MAST2: variants seen among roughly 807,000 people sequenced by gnomAD.
MAST2 encodes the protein microtubule-associated serine/threonine-protein kinase 2.
MAST2 carries 70 observed loss-of-function variants against 147.4 expected under a neutral mutation model. The ratio of observed to expected loss-of-function variants is 0.47; its 90% CI spans 0.39 to 0.58. The LOEUF is 0.58. Among genes scored for constraint, MAST2 ranks in the 20% least tolerant of loss-of-function variants. The pLI is 0.00. For synonymous variants in MAST2, 869 were observed against 896.8 expected (o/e 0.97, Z 0.55); for missense variants, 2,080 against 2,302.3 (o/e 0.90, Z 1.98).
intron 3 of MAST2, among the ~76,000 whole-genome samples, chr1:45,871,469 G>A (rs1646391301): frequency 1.3e-5 from 2 of 152,120 alleles, no homozygotes; most frequent in African/African-American, 4.8e-5. Flanking sequence ...GTTTACCTGA[G>A]CTAGCATGAT....
In MAST2 at chr1:45,903,126, C is replaced by CTTTTTTTT. The variant is rs34621764; in HGVS notation, c.500+20745_500+20752dup. Among the ~76,000 whole-genome samples the CTTTTTTTT allele has an allele frequency of 6.9e-4, 55 of 79,322 alleles. 1 individual carries two copies. The highest frequency in any genetic ancestry group is 2.2e-3 in the South Asian group (5 of 2,310). 52.0% of individuals were successfully genotyped at this position (79,322 alleles called of 152,430 possible). Reference sequence around the variant, plus strand: ...AGCATTTAGCACTATAAATTTTTGTCTTTTTTTTTTTTTTTTTTTTTGGAG... The same window carrying CTTTTTTTT: ...AGCATTTAGCACTATAAATTTTTGTCTTTTTTTTTTTTTTTTTTTTTTTTTTTTTGGAG... On this transcript the variant is annotated intron_variant, in intron 4 of 28. Transcript: ENST00000361297.
rs767185492 is a variant in MAST2, at chr1:46,025,790, G to A, written c.1894G>A (p.Val632Met). 36 of 1,614,158 alleles carry A rather than the reference G, an allele frequency of 2.2e-5. 1 individual carries two copies. The Middle Eastern group carries it at 3.1e-3, about 141-fold the overall frequency. ...GGAGTACTTACACAACTATGGCATC[G>A]TGCACCGTGACCTCAAGCCTGACAA... ...ALEYLHNYGI[V>M]HRDLKPDNLL... Residue 632 changes from valine (V) to methionine (M), a missense_variant, in exon 16 of 29, where the codon GTG becomes ATG. Physicochemically the swap from Val to Met is conservative, Grantham distance 21. Transcript: ENST00000361297.
intron 4 of MAST2, among the ~76,000 whole-genome samples, chr1:45,927,212 A>C (rs1317165295): frequency 6.6e-6 from 1 of 152,228 alleles, no homozygotes; most frequent in African/African-American, 2.4e-5. Context: ...GGGCGAGATC[A>C]CAGGACCACA....
chr1:45,913,185 C>G (rs916647518), intron 4 of MAST2, among the ~76,000 whole-genome samples: 5 of 152,166 alleles, frequency 3.3e-5, no homozygotes, highest in African/African-American at 9.7e-5. Context: ...TGGTCAGATT[C>G]GGCATTTGAA....
At chr1:45,972,242 TACA>T (rs1349702675) in intron 5 of MAST2, among the ~76,000 whole-genome samples, 1 of 152,214 alleles carries the variant, frequency 6.6e-6, no homozygotes, top group African/African-American at 2.4e-5. Flanking sequence ...AAAGGACAGA[TACA>T]ACAAGATCAG....
At chr1:45,860,355 G>A (rs1645937656) in intron 3 of MAST2, among the ~76,000 whole-genome samples, 1 of 145,310 alleles carries the variant, frequency 6.9e-6, no homozygotes, top group Admixed American at 7.0e-5. Flanking sequence ...CTGCACTCCA[G>A]CCTGGGTGAC....
At chr1:45,938,333 T>G (rs1656605644) in intron 4 of MAST2, among the ~76,000 whole-genome samples, 1 of 152,150 alleles carries the variant, frequency 6.6e-6, no homozygotes, top group Non-Finnish European at 1.5e-5. Flanking sequence ...TTACTTTTCT[T>G]TTTTCTTGGA....
intron 2 of MAST2, among the ~76,000 whole-genome samples, chr1:45,825,339 T>C (rs1027065015): frequency 2.6e-5 from 4 of 151,932 alleles, no homozygotes; most frequent in African/African-American, 9.7e-5. Flanking sequence ...ATATTTAAAT[T>C]TTTATTTTTG....
intron 3 of MAST2, chr1:45,847,502 T>C: frequency 1.3e-6 from 1 of 792,628 alleles, no homozygotes; most frequent in Non-Finnish European, 2.0e-6. Flanking sequence ...ATTTTTCCTT[T>C]TTTTCTTATT....
intron 6 of MAST2, among the ~76,000 whole-genome samples, chr1:45,999,914 G>A (rs985664420): frequency 6.6e-6 from 1 of 152,196 alleles, no homozygotes; most frequent in Admixed American, 6.5e-5. Flanking sequence ...TGAAAGCTGT[G>A]TCCTGGCGGG....
chr1:45,983,836 C>T (rs889307408), intron 5 of MAST2, among the ~76,000 whole-genome samples: 2 of 152,156 alleles, frequency 1.3e-5, no homozygotes, highest in African/African-American at 4.8e-5. Context: ...GTAGTATACT[C>T]CCTAGGAGAT....
chr1:46,036,054 A>G lies in MAST2; in HGVS notation c.5385A>G (p.Leu1795=). 1 of 1,607,044 alleles carries G rather than the reference A, an allele frequency of 6.2e-7. No homozygotes were observed. ...TGGCATTGGTTCCAGATGAGCTTTT[A>G]AAGCAAACATAGCAGTTGTTTGCCA... ...RDLALVPDEL[L]KQT is the part of the protein sequence containing the mutation. The change falls in exon 29 of 29, where the codon TTA becomes TTG. Residue 1795 remains leucine, a synonymous_variant. Coordinates refer to ENST00000361297, the MANE Select transcript of MAST2 (RefSeq NM_015112.3).
At position 46,030,718 on chromosome 1, in the gene MAST2, C is replaced by T; in HGVS notation, c.2665C>T (p.Leu889Phe). 1 of 1,600,886 alleles carries T rather than the reference C, an allele frequency of 6.2e-7. No individual in the cohort carries two copies. The highest frequency in any genetic ancestry group is 1.3e-5 in the African/African-American group (1 of 74,324). Residue 889 changes from leucine (L) to phenylalanine (F), a missense_variant, in exon 22 of 29, where the codon CTC becomes TTC. Coordinates refer to ENST00000361297, the MANE Select transcript of MAST2 (RefSeq NM_015112.3). Reference protein sequence around the residue: ...KEDHSDGLAGLKGRDRSWVIG... With the variant: ...KEDHSDGLAGFKGRDRSWVIG... ...GGACCATTCAGATGGCCTGGCAGGGCTCAAAGGCCGAGACCGGAGCTGGGT... is the reference window on the plus strand; with the variant it reads ...GGACCATTCAGATGGCCTGGCAGGGTTCAAAGGCCGAGACCGGAGCTGGGT...
intron 4 of MAST2, among the ~76,000 whole-genome samples, chr1:45,928,781 G>A (rs184902148): frequency 2.0e-5 from 3 of 151,376 alleles, no homozygotes; most frequent in African/African-American, 4.8e-5. Context: ...GGGTCTTGCC[G>A]TGTTGCCCAG....
rs961237272 is a variant in MAST2 at position 46,033,016 on chromosome 1, C to T, written c.3537+298C>T. ...AAAAATGCCTGGGTGTGGTGGCTCA[C>T]GCCTGTAATCCCAGCACTTTGGGAG... On this transcript the variant is annotated intron_variant, in intron 26 of 28. Transcript: ENST00000361297. 5.3e-5 allele frequency among the ~76,000 whole-genome samples: 8 copies of T among 150,922 alleles called. No homozygotes were observed. The South Asian group carries it at 1.5e-3, about 28-fold the overall frequency.
rs532812786 is a variant in MAST2, at chr1:45,944,394, AT to A, written c.501-14985del. Among the ~76,000 whole-genome samples the A allele has an allele frequency of 1.2e-3, 178 of 152,140 alleles. 1 individual carries two copies. The highest frequency in any genetic ancestry group is 1.8e-3 in the Non-Finnish European group (123 of 67,996). On this transcript the variant is annotated intron_variant, in intron 4 of 28. Transcript: ENST00000361297. ...TATTTATTGAAACCAACTACTTTAA[AT>A]TTTTTTATCTATTTCAGTGTCAAAT...
chr1:45,952,180 T>C (rs1033858655), intron 4 of MAST2, among the ~76,000 whole-genome samples: 4 of 152,234 alleles, frequency 2.6e-5, no homozygotes, highest in Non-Finnish European at 5.9e-5. Context: ...CCCAAATACC[T>C]TGTCATTTTA....
intron 1 of MAST2, among the ~76,000 whole-genome samples, chr1:45,805,233 C>T (rs1644106408): frequency 2.0e-5 from 3 of 152,052 alleles, no homozygotes; most frequent in Admixed American, 2.0e-4. Flanking sequence ...GTATTTTTAG[C>T]AGAGACAGGG....
At chr1:45,860,233 A>AC (rs1367670879) in intron 3 of MAST2, among the ~76,000 whole-genome samples, 3 of 130,556 alleles carry the variant, frequency 2.3e-5, no homozygotes, top group Non-Finnish European at 4.9e-5. Context: ...CACACACACA[A>AC]ATTAGCCAGG....
Sources: gnomAD v4.1 joint callset for allele counts (sites outside exome capture counted in the v4.1 genomes callset) on GRCh38, gnomAD v4.1.1 for gene constraint, MANE v1.5 for transcripts, NCBI Gene and HGNC (gene_info 2026-07-23, HGNC 2026-07-21) for gene names.